The following GSR variants were observed in gnomAD, a reference collection of about 807,000 sequenced individuals.
GSR encodes glutathione-disulfide reductase.
In GSR, 48 loss-of-function variants were observed where a neutral mutation model predicts 56.5. The ratio of observed to expected loss-of-function variants is 0.85; its 90% CI spans 0.67 to 1.08. The LOEUF is 1.08. Ranked by LOEUF, GSR falls within the 50% of genes least tolerant of loss-of-function variation. The probability of loss-of-function intolerance (pLI) is 0.00; values close to 1 mark genes in which losing one functional copy is unlikely to be tolerated. For synonymous variants in GSR, 264 were observed against 270.8 expected, an observed-to-expected ratio of 0.97 and a Z score of 0.25; for missense variants, 694 against 703.3, an observed-to-expected ratio of 0.99 and a Z score of 0.15.
At chr8:30,708,275 C>T (rs1803983773) in intron 3 of GSR, 134 bp from the exon 4 acceptor site, 7 of 736,382 alleles carry the variant, frequency 9.5e-6, no homozygotes, top group Admixed American at 1.9e-5. Context: ...TGAATGTCTC[C>T]GAAGACAGTC....
chr8:30,702,516 G>A (rs535326477), intron 5 of GSR, among the ~76,000 whole-genome samples: 5 of 152,110 alleles, frequency 3.3e-5, no homozygotes, highest in South Asian at 4.2e-4. Context: ...AAATTATCAC[G>A]TGTCTTGTAA....
Position 30,709,906 on chromosome 8 carries a change from T to TAAAAAAAAAAAAAAAAAAA in GSR, c.334-5_334-4insTTTTTTTTTTTTTTTTTTT. 1 of 999,714 alleles carries TAAAAAAAAAAAAAAAAAAA rather than the reference T, an allele frequency of 1.0e-6. No homozygotes were observed. Among genetic ancestry groups the TAAAAAAAAAAAAAAAAAAA allele is most frequent in the Non-Finnish European group, 1.4e-6 (1 of 708,876 alleles). The allele number at this position is 999,714 out of a possible 1,614,324, so 61.9% of individuals were successfully genotyped here. ...GGACAGCTGTGTTCCACATTACCTG[T>TAAAAAAAAAAAAAAAAAAA]AAAAAAAAAAAAAAAAAAGGATCCA... On this transcript the variant is annotated splice_region_variant and splice_polypyrimidine_tract_variant and intron_variant, in intron 2 of 12. Transcript: ENST00000221130.
At chr8:30,721,373 G>A (rs1241618444) in intron 1 of GSR, among the ~76,000 whole-genome samples, 1 of 152,158 alleles carries the variant, frequency 6.6e-6, no homozygotes, top group East Asian at 1.9e-4. Context: ...AAAGTGGTCC[G>A]GGCATGGTGG....
At chr8:30,719,293 T>C (rs1243080073) in intron 1 of GSR, among the ~76,000 whole-genome samples, 1 of 151,678 alleles carries the variant, frequency 6.6e-6, no homozygotes, top group Non-Finnish European at 1.5e-5. Context: ...TTTTTATGTA[T>C]TTTTAGTAGA....
intron 7 of GSR, among the ~76,000 whole-genome samples, chr8:30,694,582 C>G (rs532969914): frequency 6.6e-6 from 1 of 151,856 alleles, no homozygotes; most frequent in South Asian, 2.1e-4. Context: ...TAGCTTGAGG[C>G]CAGGAGTTCG....
Position 30,708,428 on chromosome 8 carries a change from C to T in GSR, c.423-287G>A, listed in dbSNP as rs2978663. 0.53 allele frequency among the ~76,000 whole-genome samples: 81,286 copies of T among 152,134 alleles called. 23,743 individuals are homozygous for T. Among genetic ancestry groups the T allele is most frequent in the South Asian group, 0.67 (3,240 of 4,826 alleles). On this transcript the variant is annotated intron_variant, in intron 3 of 12. Coordinates refer to ENST00000221130, the MANE Select transcript of GSR (RefSeq NM_000637.5). ...CAAAGTGCCTAGAACATGATGTGCA[C>T]AGGACGTGGTGGGCACTTAATAAAC...
At chr8:30,694,475 A>G (rs1803483130) in intron 7 of GSR, among the ~76,000 whole-genome samples, 1 of 152,066 alleles carries the variant, frequency 6.6e-6, no homozygotes, top group Non-Finnish European at 1.5e-5. Context: ...ACACCTTGCT[A>G]ATTTTTTAAT....
chr8:30,720,371 G>T (rs538377447), intron 1 of GSR, among the ~76,000 whole-genome samples: 1 of 152,254 alleles, frequency 6.6e-6, no homozygotes, highest in South Asian at 2.1e-4. Flanking sequence ...TAATTTCCAA[G>T]GCAAAACACT....
Position 30,699,361 on chromosome 8 carries a change from C to T in GSR, c.695+720G>A, listed in dbSNP as rs570588405. On this transcript the variant is annotated intron_variant, in intron 6 of 12. Transcript: ENST00000221130. ...TGGTGGCTCACATCTGTAATTCCAG[C>T]ACTTTGGGAGGCTGAGGCGGGCGGA... Among the ~76,000 whole-genome samples, 16 of 151,950 alleles carry T rather than the reference C, an allele frequency of 1.1e-4. No individual in the cohort carries two copies. The South Asian group carries it at 3.3e-3, about 32-fold the overall frequency.
chr8:30,708,053 A>T lies in GSR; in HGVS notation c.492+19T>A, dbSNP rs769820738. 106 of 1,581,366 alleles carry T rather than the reference A, an allele frequency of 6.7e-5. No individual in the cohort carries two copies. Among genetic ancestry groups the T allele is most frequent in the Non-Finnish European group, 7.5e-5 (86 of 1,150,254 alleles). On this transcript the variant is annotated intron_variant, in intron 4 of 12. Coordinates refer to ENST00000221130, the MANE Select transcript of GSR (RefSeq NM_000637.5). ...AAGGGAACAGCTCTTTCTCAAAGTT[A>T]AAAACCCAGCATACACACCTTGGTG... is the stretch of plus-strand genomic sequence containing the variant.
intron 1 of GSR, 101 bp from the exon 2 acceptor site, chr8:30,712,189 CT>C: frequency 1.5e-6 from 1 of 670,680 alleles, no homozygotes; most frequent in Non-Finnish European, 2.7e-6. Context: ...AGGAGTCTTC[CT>C]TGGGTTCTAA....
chr8:30,709,927 A>C, intron 2 of GSR, 25 bp from the exon 3 acceptor site: 1 of 1,194,872 alleles, frequency 8.4e-7, no homozygotes, highest in Non-Finnish European at 1.2e-6. Flanking sequence ...AAAAAAAAGG[A>C]TCCAAAACAG....
Position 30,679,480 on chromosome 8 carries a change from T to TC in GSR, c.*39dup. The TC allele has an allele frequency of 6.3e-7, 1 of 1,590,596 alleles. No individual in the cohort carries two copies. The highest frequency in any genetic ancestry group is 8.6e-7 in the Non-Finnish European group (1 of 1,158,826). ...TGATTATTTGTTTCATTTCAGAAGATCTATGGGTCCCACTGCCCGCCACAC... is the reference window on the plus strand; with the variant it reads ...TGATTATTTGTTTCATTTCAGAAGATCCTATGGGTCCCACTGCCCGCCACAC... On this transcript the variant is annotated 3_prime_UTR_variant, in exon 13 of 13. Transcript: ENST00000221130.
intron 1 of GSR, among the ~76,000 whole-genome samples, chr8:30,715,448 C>G (rs1242221108): frequency 1.3e-5 from 2 of 152,220 alleles, no homozygotes; most frequent in East Asian, 3.9e-4. Context: ...GGACGCACAG[C>G]AGGGGTTTCC....
intron 7 of GSR, among the ~76,000 whole-genome samples, chr8:30,695,510 G>C (rs1372251614): frequency 2.0e-5 from 3 of 152,070 alleles, no homozygotes; most frequent in South Asian, 2.1e-4. Flanking sequence ...CTGGGAATTA[G>C]AGGCGTGAGC....
chr8:30,727,399 G>T, intron 1 of GSR, 131 bp downstream of exon 1: 1 of 881,518 alleles, frequency 1.1e-6, no homozygotes, highest in Non-Finnish European at 1.7e-6. Context: ...TCGGAATGGG[G>T]AGTTGCGGGG....
chr8:30,681,351 G>A (rs1471553788), intron 11 of GSR, among the ~76,000 whole-genome samples: 1 of 152,066 alleles, frequency 6.6e-6, no homozygotes, highest in African/African-American at 2.4e-5. Context: ...GCAACACAGT[G>A]AAACCCCATC....
At position 30,679,395 on chromosome 8, in the gene GSR, A is replaced by G. The variant is rs1233098668; in HGVS notation, c.*125T>C. ...GTTCTATTATGTACTAAAAATTTCCACTATCAGAAGATCCTGATTAAAATA... is the reference window on the plus strand; with the variant it reads ...GTTCTATTATGTACTAAAAATTTCCGCTATCAGAAGATCCTGATTAAAATA... On this transcript the variant is annotated 3_prime_UTR_variant, in exon 13 of 13. Transcript: ENST00000221130. 5 of 934,068 alleles carry G rather than the reference A, an allele frequency of 5.4e-6. No individual in the cohort carries two copies. The African/African-American group carries it at 8.2e-5, about 15-fold the overall frequency. The allele number at this position is 934,068 out of a possible 1,614,324, so 57.9% of individuals were successfully genotyped here. A position where few individuals can be genotyped will look rare whatever the true frequency, so the allele number is the denominator to read the frequency against.
intron 1 of GSR, among the ~76,000 whole-genome samples, chr8:30,720,002 G>A (rs184845458): frequency 4.6e-5 from 7 of 152,062 alleles, no homozygotes; most frequent in Non-Finnish European, 8.8e-5. Context: ...TTGAGCCCAC[G>A]AGTTAGAGAC....
Sources: allele counts gnomAD v4.1 joint callset (sites outside exome capture counted in the v4.1 genomes callset), GRCh38; gene constraint gnomAD v4.1.1; transcripts MANE v1.5; gene names NCBI Gene and HGNC (gene_info 2026-07-23, HGNC 2026-07-21).